Variants in HSD17B4 observed in about 807,000 individuals in gnomAD.
HSD17B4 encodes the protein peroxisomal multifunctional enzyme type 2.
A neutral mutation model predicts 101.0 loss-of-function variants in HSD17B4; 70 were observed. The ratio of observed to expected loss-of-function variants is 0.69; its 90% confidence interval spans 0.57 to 0.85. The LOEUF is 0.85. Among genes scored for constraint, HSD17B4 ranks in the 40% least tolerant of loss-of-function variants. The pLI, the probability that HSD17B4 is intolerant of heterozygous loss-of-function variation, is 0.00. For missense variants in HSD17B4, 984 were observed against 892.4 expected (o/e 1.10, Z -1.31); for synonymous variants, 347 against 297.1 (o/e 1.17, Z -1.73).
At chr5:119,476,819 A>T (rs1010728983) in intron 6 of HSD17B4, 1 of 431,634 alleles carries the variant, frequency 2.3e-6, no homozygotes, top group Non-Finnish European at 3.1e-6. Context: ...TCACTCTTAC[A>T]TTCTTCTTCT....
At chr5:119,510,689 A>G (rs904151847) in intron 16 of HSD17B4, among the ~76,000 whole-genome samples, 2 of 152,168 alleles carry the variant, frequency 1.3e-5, no homozygotes, top group Admixed American at 6.5e-5. Flanking sequence ...AAAATCTATT[A>G]TATTTTGGTA....
At chr5:119,503,606 A>G (rs1751385857) in intron 14 of HSD17B4, among the ~76,000 whole-genome samples, 1 of 152,172 alleles carries the variant, frequency 6.6e-6, no homozygotes, top group Non-Finnish European at 1.5e-5. Flanking sequence ...GTCAAGCATC[A>G]GGAGACTGAT....
rs2126684240 is a variant in HSD17B4 at position 119,474,403 on chromosome 5, T to G, written c.223T>G (p.Ser75Ala). ...RGGKAVANYD[S>A]VEEGEKVVKT... ...ATACAAATTTTCCTTTCCCTCAGAT[T>G]CAGTGGAAGAAGGAGAGAAGGTTGT... Residue 75 changes from serine (S) to alanine (A), a missense_variant and splice_region_variant, in exon 4 of 24, where the codon TCA (serine) becomes GCA (alanine). Ser to Ala is a moderately conservative substitution (Grantham distance 99, BLOSUM62 1). Coordinates refer to ENST00000510025, the MANE Select transcript of HSD17B4 (RefSeq NM_000414.4). 2.5e-6 allele frequency: 4 copies of G among 1,605,810 alleles called. No individual in the cohort carries two copies. In the East Asian group the frequency reaches 6.7e-5, roughly 27 times the overall value.
intron 10 of HSD17B4, 122 bp downstream of exon 10, chr5:119,492,246 T>C (rs765446983): frequency 3.8e-5 from 30 of 794,940 alleles, no homozygotes; most frequent in Middle Eastern, 2.9e-4. Flanking sequence ...GCTTGCATAT[T>C]CAAACTTAAA....
intron 22 of HSD17B4, 112 bp downstream of exon 22, chr5:119,531,516 GT>G (rs937764031): frequency 5.1e-5 from 55 of 1,068,692 alleles, no homozygotes; most frequent in African/African-American, 4.3e-4. Context: ...TTTTAGGTAA[GT>G]TTTTTTTCTT....
chr5:119,456,238 A>T, intron 1 of HSD17B4, 77 bp from the exon 2 acceptor site: 2 of 870,680 alleles, frequency 2.3e-6, no homozygotes, highest in South Asian at 2.6e-5. Flanking sequence ...ATTTCTTTAA[A>T]TGGGGATTGA....
chr5:119,524,137 A>T lies in HSD17B4; in HGVS notation c.1504-1079A>T, dbSNP rs189998473. 7.8e-3 allele frequency among the ~76,000 whole-genome samples: 1,180 copies of T among 152,196 alleles called. 10 individuals are homozygous for T. The highest frequency in any genetic ancestry group is 0.014 in the Non-Finnish European group (938 of 67,980). On this transcript the variant is annotated intron_variant, in intron 17 of 23. Transcript: ENST00000510025. ...CCAGTATTCAATAATTGTTTATTTG[A>T]TTTCATTATATTAAGAAGACATGTA... is the stretch of plus-strand genomic sequence containing the variant.
intron 13 of HSD17B4, 180 bp downstream of exon 13, chr5:119,499,733 G>C (rs555891659): frequency 7.7e-6 from 3 of 391,774 alleles, no homozygotes; most frequent in Non-Finnish European, 1.3e-5. Flanking sequence ...GGGAGAGTTA[G>C]TTCAAAATGC....
intron 2 of HSD17B4, among the ~76,000 whole-genome samples, chr5:119,473,155 T>C (rs1382485214): frequency 6.6e-6 from 1 of 152,124 alleles, no homozygotes; most frequent in Non-Finnish European, 1.5e-5. Context: ...TTCAGTTCTT[T>C]TGGATAAAGA....
chr5:119,523,957 T>A (rs1753345487), intron 17 of HSD17B4, among the ~76,000 whole-genome samples: 1 of 152,182 alleles, frequency 6.6e-6, no homozygotes, highest in Non-Finnish European at 1.5e-5. Flanking sequence ...AGCATGTGTT[T>A]GATAATTTCC....
chr5:119,489,420 A>T, intron 9 of HSD17B4, 137 bp downstream of exon 9: 1 of 667,452 alleles, frequency 1.5e-6, no homozygotes, highest in Non-Finnish European at 2.7e-6. Flanking sequence ...ACTAATATCC[A>T]TTTTTTGGAA....
chr5:119,527,698 G>A (rs531064141), intron 20 of HSD17B4, among the ~76,000 whole-genome samples: 21 of 152,166 alleles, frequency 1.4e-4, no homozygotes, highest in African/African-American at 4.6e-4. Context: ...TGGTCCAATA[G>A]GAAAGTTATT....
rs529361689 is a variant in HSD17B4, at chr5:119,523,411, T to A, written c.1504-1805T>A. ...AACTTTTAGCTTTCCTTCTGAAATA[T>A]GCCATTTCTTCAAAATACGTAGAAG... On this transcript the variant is annotated intron_variant, in intron 17 of 23. Transcript: ENST00000510025. 3.9e-5 allele frequency among the ~76,000 whole-genome samples: 6 copies of A among 152,312 alleles called. No individual in the cohort carries two copies. In the South Asian group the frequency reaches 1.2e-3, roughly 32 times the overall value.
At chr5:119,541,782 T>A in intron 23 of HSD17B4, 123 bp from the exon 24 acceptor site, 1 of 670,514 alleles carries the variant, frequency 1.5e-6, no homozygotes, top group African/African-American at 1.8e-5. Flanking sequence ...AAATAAAGGT[T>A]GCCTTTGTTG....
chr5:119,471,469 A>G (rs541085131), intron 2 of HSD17B4, among the ~76,000 whole-genome samples: 39 of 152,232 alleles, frequency 2.6e-4, no homozygotes, highest in African/African-American at 9.1e-4. Context: ...TTATCCCATT[A>G]CTTATTTATC....
chr5:119,499,448 T>A lies in HSD17B4; in HGVS notation c.1104T>A (p.Ser368Arg). 2 of 1,517,812 alleles carry A rather than the reference T, an allele frequency of 1.3e-6. No homozygotes were observed. The highest frequency in any genetic ancestry group is 1.8e-6 in the Non-Finnish European group (2 of 1,092,768). The allele number at this position is 1,517,812 out of a possible 1,614,324, so 94.0% of individuals were successfully genotyped here. ...PKDLKFIYEG[S>R]SDFSCLPTFG... The stretch of plus-strand genomic sequence containing the variant: ...ATTTGAAATTTATTTATGAAGGAAG[T>A]TCTGATTTCTCCTGTTTGCCCACCT... Residue 368 changes from serine to arginine, a missense_variant, in exon 13 of 24, where the codon AGT becomes AGA. Ser to Arg is a moderately radical substitution (Grantham distance 110). Transcript: ENST00000510025.
chr5:119,503,009 C>T (rs1054951129), intron 14 of HSD17B4, among the ~76,000 whole-genome samples: 6 of 151,512 alleles, frequency 4.0e-5, no homozygotes, highest in Admixed American at 1.3e-4. Context: ...CAAAATCACC[C>T]GAGTTATTAC....
At chr5:119,518,207 C>T (rs542580716) in intron 17 of HSD17B4, among the ~76,000 whole-genome samples, 91 of 152,198 alleles carry the variant, frequency 6.0e-4, no homozygotes, top group African/African-American at 1.9e-3. Flanking sequence ...CTGAAGCCAG[C>T]GAGACCATGA....
intron 16 of HSD17B4, among the ~76,000 whole-genome samples, chr5:119,513,078 T>C (rs183374036): frequency 1.1e-4 from 16 of 152,380 alleles, no homozygotes; most frequent in Admixed American, 9.8e-4. Flanking sequence ...TCCTCACTTA[T>C]TGCTTGGATG....
Sources: allele counts gnomAD v4.1 joint callset (sites outside exome capture counted in the v4.1 genomes callset), GRCh38; gene constraint gnomAD v4.1.1; transcripts MANE v1.5; gene names NCBI Gene and HGNC (gene_info 2026-07-23, HGNC 2026-07-21).